The following KAZN variants were observed in gnomAD, a reference collection of about 807,000 sequenced individuals.
The protein encoded by KAZN is kazrin, periplakin interacting protein.
Under a neutral mutation model 87.4 loss-of-function variants are expected in KAZN, and 40 were observed. The ratio of observed to expected loss-of-function variants is 0.46; its 90% CI spans 0.36 to 0.60. The LOEUF (loss-of-function observed/expected upper bound fraction) is 0.60. KAZN is among the 20% of genes least tolerant of loss of function. KAZN has a pLI of 0.00. For missense variants in KAZN, 898 were observed against 1,073.9 expected (o/e 0.84, Z 2.29); for synonymous variants, 466 against 458.3 (o/e 1.02, Z -0.22).
At chr1:14,416,777 T>C (rs1324822806) in intron 2 of KAZN, among the ~76,000 whole-genome samples, 1 of 151,838 alleles carries the variant, frequency 6.6e-6, no homozygotes, top group Non-Finnish European at 1.5e-5. Flanking sequence ...AATTTTATTA[T>C]ATATAAGCAA....
intron 1 of KAZN, among the ~76,000 whole-genome samples, chr1:14,113,632 T>C (rs1644546863): frequency 1.3e-5 from 2 of 152,138 alleles, no homozygotes; most frequent in African/African-American, 4.8e-5. Context: ...ATTGCACAGC[T>C]AAGAAATGAA....
At chr1:14,339,043 T>G (rs1657487425) in intron 2 of KAZN, among the ~76,000 whole-genome samples, 1 of 151,918 alleles carries the variant, frequency 6.6e-6, no homozygotes, top group African/African-American at 2.4e-5. Context: ...AAAGAAACTC[T>G]CATGATTTTC....
chr1:14,202,130 G>A (rs1350043802), intron 2 of KAZN, among the ~76,000 whole-genome samples: 1 of 152,156 alleles, frequency 6.6e-6, no homozygotes, highest in Non-Finnish European at 1.5e-5. Flanking sequence ...AGCAAGATGG[G>A]GGTCAGTAAT....
At chr1:14,659,907 A>G (rs1639041869) in intron 1 of KAZN, among the ~76,000 whole-genome samples, 2 of 152,266 alleles carry the variant, frequency 1.3e-5, no homozygotes, top group South Asian at 4.2e-4. Flanking sequence ...AAGCCAAACA[A>G]CAAAACAATA....
intron 1 of KAZN, among the ~76,000 whole-genome samples, chr1:14,665,231 G>A (rs1639450728): frequency 6.6e-6 from 1 of 151,986 alleles, no homozygotes; most frequent in Non-Finnish European, 1.5e-5. Flanking sequence ...AGATCCATGG[G>A]CACTGAGCAG....
intron 1 of KAZN, among the ~76,000 whole-genome samples, chr1:13,899,829 A>C (rs1639181056): frequency 6.6e-6 from 1 of 151,858 alleles, no homozygotes; most frequent in African/African-American, 2.4e-5. Flanking sequence ...TTTTTAGTAG[A>C]GATGGGGTTT....
At chr1:14,101,673 T>G (rs1644251258) in intron 1 of KAZN, among the ~76,000 whole-genome samples, 1 of 152,228 alleles carries the variant, frequency 6.6e-6, no homozygotes, top group South Asian at 2.1e-4. Context: ...AAAATTACTT[T>G]AAGTAGAATT....
intron 1 of KAZN, among the ~76,000 whole-genome samples, chr1:14,647,367 A>C (rs1680885458): frequency 6.6e-6 from 1 of 152,206 alleles, no homozygotes; most frequent in Admixed American, 6.5e-5. Flanking sequence ...GCCCAGGATA[A>C]AGATTGTGGA....
At chr1:14,622,514 C>T (rs952776840) in intron 1 of KAZN, among the ~76,000 whole-genome samples, 3 of 151,786 alleles carry the variant, frequency 2.0e-5, no homozygotes, top group African/African-American at 7.3e-5. Context: ...CACGGTGAAA[C>T]CCCGTCTCTA....
At chr1:14,300,847 C>T (rs978599819) in intron 2 of KAZN, among the ~76,000 whole-genome samples, 2 of 152,178 alleles carry the variant, frequency 1.3e-5, no homozygotes, top group Admixed American at 1.3e-4. Context: ...TAGGACGTAT[C>T]CTACCTGTGA....
intron 2 of KAZN, among the ~76,000 whole-genome samples, chr1:14,210,005 G>T (rs1373160874): frequency 6.6e-6 from 1 of 152,170 alleles, no homozygotes; most frequent in Non-Finnish European, 1.5e-5. Context: ...TCCTTCAGCA[G>T]GCATTCATAT....
At chr1:14,278,211 C>T (rs560700426) in intron 2 of KAZN, among the ~76,000 whole-genome samples, 1 of 147,682 alleles carries the variant, frequency 6.8e-6, no homozygotes, top group Admixed American at 6.8e-5. Context: ...AGGAAATTCT[C>T]AGAGATTCAT....
At chr1:14,264,670 CT>C (rs1416770651) in intron 2 of KAZN, among the ~76,000 whole-genome samples, 1 of 152,190 alleles carries the variant, frequency 6.6e-6, no homozygotes, top group Non-Finnish European at 1.5e-5. Flanking sequence ...GCCTTCAGCA[CT>C]GTGAGAAGTA....
intron 2 of KAZN, among the ~76,000 whole-genome samples, chr1:14,999,222 G>A (rs1443886033): frequency 6.6e-6 from 1 of 152,150 alleles, no homozygotes; most frequent in Non-Finnish European, 1.5e-5. Flanking sequence ...AGTTTGGGTG[G>A]TGAAGTAGAA....
At position 14,827,478 on chromosome 1, in the gene KAZN, G is replaced by A. The variant is rs116613091; in HGVS notation, c.227-133206G>A. Among the ~76,000 whole-genome samples, 1,325 of 152,234 alleles carry A rather than the reference G, an allele frequency of 8.7e-3. 7 individuals are homozygous for A. The highest frequency in any genetic ancestry group is 0.013 in the Non-Finnish European group (894 of 68,014). On this transcript the variant is annotated intron_variant, in intron 1 of 14. Coordinates refer to ENST00000376030, the MANE Select transcript of KAZN (RefSeq NM_201628.3). ...TAGGCCTTTGCGTCCTCGTAGCTTA[G>A]CCTCCACTTATGAGTGAGAACATGC...
chr1:14,180,791 A>G (rs1456770435), intron 2 of KAZN, among the ~76,000 whole-genome samples: 1 of 152,120 alleles, frequency 6.6e-6, no homozygotes, highest in Non-Finnish European at 1.5e-5. Context: ...TTAAAAAGTC[A>G]AAGTAATACA....
chr1:14,553,146 G>A (rs112177054), intron 2 of KAZN, among the ~76,000 whole-genome samples: 2 of 152,230 alleles, frequency 1.3e-5, no homozygotes, highest in Non-Finnish European at 2.9e-5. Context: ...AAGCCGAGGC[G>A]GGCAGATCAC....
intron 1 of KAZN, among the ~76,000 whole-genome samples, chr1:14,055,791 A>T (rs933467659): frequency 2.0e-5 from 3 of 152,222 alleles, no homozygotes; most frequent in African/African-American, 7.2e-5. Flanking sequence ...GAGCAAAGGA[A>T]AATGAATATT....
At chr1:14,619,260 C>T (rs1385592950) in intron 1 of KAZN, among the ~76,000 whole-genome samples, 2 of 151,742 alleles carry the variant, frequency 1.3e-5, no homozygotes, top group African/African-American at 2.4e-5. Flanking sequence ...TGCAGTGATG[C>T]AATCATAGCT....
Sources: gnomAD v4.1 joint callset for allele counts (sites outside exome capture counted in the v4.1 genomes callset) on GRCh38, gnomAD v4.1.1 for gene constraint, MANE v1.5 for transcripts, NCBI Gene and HGNC (gene_info 2026-07-23, HGNC 2026-07-21) for gene names.